TTC7B: variants seen among roughly 807,000 people sequenced by gnomAD.
TTC7B encodes the protein tetratricopeptide repeat domain 7B.
A neutral mutation model predicts 106.8 loss-of-function variants in TTC7B; 28 were observed. That is an observed-to-expected ratio of 0.26 (90% CI 0.19 to 0.36). TTC7B has a LOEUF of 0.36. Among genes scored for constraint, TTC7B ranks in the 10% least tolerant of loss-of-function variants. TTC7B has a pLI of 1.00. For missense variants in TTC7B, 862 were observed against 1,076.4 expected, an observed-to-expected ratio of 0.80 and a Z score of 2.79; for synonymous variants, 405 against 430.6, an observed-to-expected ratio of 0.94 and a Z score of 0.74.
chr14:90,783,733 T>A (rs1782863067), intron 2 of TTC7B, among the ~76,000 whole-genome samples: 1 of 152,068 alleles, frequency 6.6e-6, no homozygotes, highest in South Asian at 2.1e-4. Flanking sequence ...GGTCAGCAGT[T>A]CGAGACCAGC....
chr14:90,660,110 C>T (rs368486278), intron 9 of TTC7B, among the ~76,000 whole-genome samples: 51 of 151,922 alleles, frequency 3.4e-4, no homozygotes, highest in African/African-American at 1.1e-3. Flanking sequence ...GGCGGCTGGG[C>T]GCAGTGGCTC....
chr14:90,587,125 A>AC (rs934202478), intron 18 of TTC7B, among the ~76,000 whole-genome samples: 1 of 151,930 alleles, frequency 6.6e-6, no homozygotes, highest in Non-Finnish European at 1.5e-5. Context: ...CCTTCCATCC[A>AC]TTCTCCACAT....
intron 3 of TTC7B, among the ~76,000 whole-genome samples, chr14:90,745,755 A>G (rs1889945101): frequency 6.8e-6 from 1 of 146,096 alleles, no homozygotes; most frequent in Admixed American, 7.0e-5. Flanking sequence ...CCCAGGCTGG[A>G]GTGCAGCAGT....
At chr14:90,743,414 A>G (rs1013927390) in intron 4 of TTC7B, among the ~76,000 whole-genome samples, 9 of 152,346 alleles carry the variant, frequency 5.9e-5, no homozygotes, top group African/African-American at 2.2e-4. Flanking sequence ...AACAAAAGCT[A>G]GGGAGACTTT....
chr14:90,656,936 C>A lies in TTC7B; in HGVS notation c.1341+238G>T, dbSNP rs1047238723. ...TGTCTTATTATCATTATTCCTGAAGCACAATCCCATAGGAAAAAACCCCTG... is the reference window on the plus strand; with the variant it reads ...TGTCTTATTATCATTATTCCTGAAGAACAATCCCATAGGAAAAAACCCCTG... On this transcript the variant is annotated intron_variant, in intron 11 of 19. Coordinates refer to ENST00000328459, the MANE Select transcript of TTC7B (RefSeq NM_001010854.2). 2.0e-5 allele frequency among the ~76,000 whole-genome samples: 3 copies of A among 152,186 alleles called. No individual in the cohort carries two copies. In the East Asian group the frequency reaches 5.8e-4, roughly 29 times the overall value.
rs1176591000 is a variant in TTC7B at position 90,529,890 on chromosome 14, T to G, written c.*11478A>C. ...GAGGTTATGCTGTCTCTAAGTTATC[T>G]AGAAAGATTTTTACTGACAAGAGAA... On this transcript the variant is annotated 3_prime_UTR_variant, in exon 20 of 20. Transcript: ENST00000328459. 2 of 152,232 alleles carry G rather than the reference T, an allele frequency of 1.3e-5. No individual in the cohort carries two copies. Among genetic ancestry groups the G allele is most frequent in the Admixed American group, 6.5e-5 (1 of 15,286 alleles). 9.4% of individuals were successfully genotyped at this position (152,232 alleles called of 1,614,324 possible). A position where few individuals can be genotyped will look rare whatever the true frequency, so the allele number is the denominator to read the frequency against.
chr14:90,652,843 C>T lies in TTC7B; in HGVS notation c.1515G>A (p.Gln505=). The T allele has an allele frequency of 6.2e-7, 1 of 1,614,230 alleles. No homozygotes were observed. The highest frequency in any genetic ancestry group is 8.5e-7 in the Non-Finnish European group (1 of 1,180,036). The change falls in exon 13 of 20, where the codon CAG becomes CAA. Residue 505 remains glutamine (Q), a splice_region_variant and synonymous_variant. Coordinates refer to ENST00000328459, the MANE Select transcript of TTC7B (RefSeq NM_001010854.2). ...VLQRKALLAF[Q]RAHSLSPTDH... is the part of the protein sequence containing the mutation. ...TGAAAAGATGAACTCCCACTCACCT[C>T]TGAAATGCAAGAAGCGCCTTTCTCT...
At chr14:90,799,038 T>C (rs2030074342) in intron 1 of TTC7B, among the ~76,000 whole-genome samples, 1 of 152,104 alleles carries the variant, frequency 6.6e-6, no homozygotes, top group African/African-American at 2.4e-5. Context: ...CAGTCCATCA[T>C]CTCAGAGCCA....
chr14:90,771,921 TATAA>T (rs1890877932), intron 3 of TTC7B, among the ~76,000 whole-genome samples: 1 of 146,192 alleles, frequency 6.8e-6, no homozygotes, highest in African/African-American at 2.5e-5. Context: ...TTATTTTATA[TATAA>T]ATATATATTT....
At chr14:90,564,377 C>G (rs4900046) in intron 19 of TTC7B, among the ~76,000 whole-genome samples, 57,272 of 152,018 alleles carry the variant, frequency 0.38, 11,156 homozygotes, top group Admixed American at 0.45. Context: ...TCCAGGCTTT[C>G]TTGTTCCATT....
chr14:90,690,517 T>G (rs749180121), intron 6 of TTC7B, among the ~76,000 whole-genome samples: 1 of 152,210 alleles, frequency 6.6e-6, no homozygotes, highest in Non-Finnish European at 1.5e-5. Context: ...ATGTGTGGTA[T>G]GTACTAAGAA....
chr14:90,545,499 G>A (rs1461909462), intron 19 of TTC7B, among the ~76,000 whole-genome samples: 1 of 152,210 alleles, frequency 6.6e-6, no homozygotes, highest in Non-Finnish European at 1.5e-5. Context: ...CTTGCCTCAG[G>A]ACAGCTGTGA....
intron 15 of TTC7B, among the ~76,000 whole-genome samples, chr14:90,618,668 C>G (rs1308729208): frequency 2.0e-5 from 3 of 152,230 alleles, no homozygotes; most frequent in Admixed American, 6.5e-5. Context: ...ACCTTCTGGG[C>G]ACTAAGCTCA....
intron 15 of TTC7B, among the ~76,000 whole-genome samples, chr14:90,626,385 G>A (rs1430617498): frequency 6.6e-6 from 1 of 152,198 alleles, no homozygotes; most frequent in Non-Finnish European, 1.5e-5. Context: ...CCTTCCTTCT[G>A]AAGGGATCCC....
intron 7 of TTC7B, among the ~76,000 whole-genome samples, chr14:90,689,093 G>T (rs1887363281): frequency 6.6e-6 from 1 of 152,164 alleles, no homozygotes; most frequent in Admixed American, 6.5e-5. Context: ...GCAAATATTA[G>T]ATTCTCCTTC....
At chr14:90,580,268 C>A (rs76026457) in intron 18 of TTC7B, among the ~76,000 whole-genome samples, 1,598 of 152,346 alleles carry the variant, frequency 0.01, 32 homozygotes, top group African/African-American at 0.037. Flanking sequence ...GTAGCTGACA[C>A]TTATTAAACA....
chr14:90,593,059 C>T (rs1255708584), intron 18 of TTC7B, among the ~76,000 whole-genome samples: 4 of 152,190 alleles, frequency 2.6e-5, no homozygotes, highest in Admixed American at 1.3e-4. Flanking sequence ...GAGATGGGTG[C>T]TATTCCTAAG....
At chr14:90,781,527 G>A (rs1364891078) in intron 2 of TTC7B, among the ~76,000 whole-genome samples, 1 of 152,162 alleles carries the variant, frequency 6.6e-6, no homozygotes, top group East Asian at 1.9e-4. Context: ...GGCTGGGCTG[G>A]GCCGGCTGGG....
At chr14:90,549,939 T>C (rs955665142) in intron 19 of TTC7B, among the ~76,000 whole-genome samples, 2 of 152,060 alleles carry the variant, frequency 1.3e-5, no homozygotes, top group African/African-American at 4.8e-5. Flanking sequence ...ATTACCATTG[T>C]TAAACTAGAG....
Sources: gnomAD v4.1 joint callset for allele counts (sites outside exome capture counted in the v4.1 genomes callset) on GRCh38, gnomAD v4.1.1 for gene constraint, MANE v1.5 for transcripts, NCBI Gene and HGNC (gene_info 2026-07-23, HGNC 2026-07-21) for gene names.